ROBO1: variants seen among roughly 807,000 people sequenced by gnomAD.
ROBO1 encodes roundabout homolog 1.
In ROBO1, 149 loss-of-function variants were observed where a neutral mutation model predicts 195.9. The observed-to-expected ratio is 0.76, with a 90% CI of 0.67 to 0.87. The LOEUF (loss-of-function observed/expected upper bound fraction) is 0.87, where lower values mean the gene tolerates loss of function less well. Ranked by LOEUF, ROBO1 falls within the 40% of genes least tolerant of loss-of-function variation. ROBO1 has a pLI of 0.00. For missense variants in ROBO1, 1,933 were observed against 2,068.3 expected, an observed-to-expected ratio of 0.93 and a Z score of 1.27; for synonymous variants, 816 against 733.2, an observed-to-expected ratio of 1.11 and a Z score of -1.82.
At chr3:78,647,708 G>A in intron 19 of ROBO1, 53 bp from the exon 20 acceptor site, 1 of 1,413,460 alleles carries the variant, frequency 7.1e-7, no homozygotes, top group Admixed American at 1.7e-5. Flanking sequence ...GAGAGAAAGG[G>A]AACATATCAC....
chr3:79,159,001 A>C (rs1485185963), intron 2 of ROBO1, among the ~76,000 whole-genome samples: 1 of 151,980 alleles, frequency 6.6e-6, no homozygotes, highest in Non-Finnish European at 1.5e-5. Flanking sequence ...ATGCATGACT[A>C]AAGTGGAATT....
At chr3:79,354,680 T>G (rs2035474565) in intron 2 of ROBO1, among the ~76,000 whole-genome samples, 1 of 152,204 alleles carries the variant, frequency 6.6e-6, no homozygotes, top group African/African-American at 2.4e-5. Flanking sequence ...TATTTCCTCC[T>G]GCGTCTATTT....
intron 1 of ROBO1, among the ~76,000 whole-genome samples, chr3:79,630,976 G>A (rs1274475945): frequency 1.3e-5 from 2 of 151,748 alleles, no homozygotes; most frequent in East Asian, 3.9e-4. Flanking sequence ...ACATTGGGAT[G>A]ACAAAAAGAA....
At chr3:79,203,657 T>C (rs2081810104) in intron 2 of ROBO1, among the ~76,000 whole-genome samples, 1 of 152,222 alleles carries the variant, frequency 6.6e-6, no homozygotes, top group Non-Finnish European at 1.5e-5. Flanking sequence ...TTAACTCATA[T>C]ATAGAAGTGT....
intron 2 of ROBO1, among the ~76,000 whole-genome samples, chr3:79,455,826 G>T (rs1464567509): frequency 2.0e-5 from 3 of 152,080 alleles, no homozygotes; most frequent in African/African-American, 7.2e-5. Context: ...TTTGAGCATG[G>T]CACATACATA....
intron 1 of ROBO1, among the ~76,000 whole-genome samples, chr3:79,765,221 G>A (rs1451741153): frequency 6.6e-6 from 1 of 152,190 alleles, no homozygotes; most frequent in Non-Finnish European, 1.5e-5. Flanking sequence ...TGTGCGAAAA[G>A]GCTAAAGGAA....
At chr3:79,086,242 C>A (rs2079367504) in intron 3 of ROBO1, among the ~76,000 whole-genome samples, 1 of 151,266 alleles carries the variant, frequency 6.6e-6, no homozygotes, top group Non-Finnish European at 1.5e-5. Context: ...TGTGGGCAAC[C>A]AGATGGGGAG....
intron 3 of ROBO1, among the ~76,000 whole-genome samples, chr3:78,948,950 C>A (rs946673327): frequency 6.6e-6 from 1 of 151,536 alleles, no homozygotes; most frequent in Non-Finnish European, 1.5e-5. Flanking sequence ...ATCCAACTTA[C>A]AAGGGATGTG....
intron 3 of ROBO1, among the ~76,000 whole-genome samples, chr3:78,985,888 G>C (rs1351396027): frequency 6.6e-6 from 1 of 152,096 alleles, no homozygotes; most frequent in African/African-American, 2.4e-5. Context: ...TCAAATATCA[G>C]CTATACAGAG....
chr3:79,668,665 T>TACACAC (rs112377466), intron 1 of ROBO1, among the ~76,000 whole-genome samples: 2 of 151,008 alleles, frequency 1.3e-5, no homozygotes, highest in African/African-American at 4.9e-5. Context: ...CTAAGCAATT[T>TACACAC]ACACACACAC....
At chr3:79,261,398 CAT>C (rs2082935475) in intron 2 of ROBO1, among the ~76,000 whole-genome samples, 3 of 151,870 alleles carry the variant, frequency 2.0e-5, no homozygotes, top group South Asian at 4.1e-4. Context: ...GATTGACAAA[CAT>C]ATTGTGAAAT....
chr3:79,580,009 T>C (rs189927129), intron 2 of ROBO1, among the ~76,000 whole-genome samples: 24 of 152,128 alleles, frequency 1.6e-4, no homozygotes, highest in Non-Finnish European at 2.4e-4. Context: ...AGATAAAACA[T>C]TGAAATAAAG....
chr3:79,253,326 A>C (rs1047064957), intron 2 of ROBO1, among the ~76,000 whole-genome samples: 7 of 152,162 alleles, frequency 4.6e-5, no homozygotes, highest in African/African-American at 1.7e-4. Flanking sequence ...TTGGGTATTA[A>C]GAGAGACTCT....
intron 1 of ROBO1, among the ~76,000 whole-genome samples, chr3:79,647,800 T>C (rs559468683): frequency 4.6e-5 from 7 of 152,048 alleles, no homozygotes; most frequent in African/African-American, 1.4e-4. Context: ...TGTTATTGTG[T>C]TTAGTGTTAT....
chr3:78,959,679 T>C (rs113176297), intron 3 of ROBO1, among the ~76,000 whole-genome samples: 55 of 152,254 alleles, frequency 3.6e-4, no homozygotes, highest in African/African-American at 1.3e-3. Flanking sequence ...AGCTATACCA[T>C]AGATTTGCTA....
rs1168674196 is a variant in ROBO1, at chr3:78,597,741, G to GAA, written c.*1170_*1171dup. On this transcript the variant is annotated 3_prime_UTR_variant, in exon 31 of 31. Coordinates refer to ENST00000464233, the MANE Select transcript of ROBO1 (RefSeq NM_002941.4). Reference sequence around the variant, plus strand: ...AACCTCTTTTTTTCTTTAAGTCCAGGAAAAGTAAGAACCATTTGGTTCATG... The same window carrying GAA: ...AACCTCTTTTTTTCTTTAAGTCCAGGAAAAAAGTAAGAACCATTTGGTTCATG... 5 of 152,272 alleles carry GAA rather than the reference G, an allele frequency of 3.3e-5. No individual in the cohort carries two copies. Among genetic ancestry groups the GAA allele is most frequent in the Non-Finnish European group, 7.4e-5 (5 of 67,934 alleles). The allele number at this position is 152,272 out of a possible 1,614,324, so 9.4% of individuals were successfully genotyped here. A position where few individuals can be genotyped will look rare whatever the true frequency, so the allele number is the denominator to read the frequency against.
chr3:78,797,588 A>C (rs1282124754), intron 4 of ROBO1, among the ~76,000 whole-genome samples: 3 of 152,198 alleles, frequency 2.0e-5, no homozygotes, highest in Non-Finnish European at 2.9e-5. Context: ...AATTAATCAA[A>C]AATAATGAGA....
chr3:79,324,857 G>A (rs1205019216), intron 2 of ROBO1, among the ~76,000 whole-genome samples: 1 of 152,218 alleles, frequency 6.6e-6, no homozygotes, highest in East Asian at 1.9e-4. Flanking sequence ...GGAAAAGATA[G>A]TGTGTGGCAT....
At chr3:79,608,669 T>C (rs1254405040) in intron 1 of ROBO1, among the ~76,000 whole-genome samples, 1 of 151,950 alleles carries the variant, frequency 6.6e-6, no homozygotes, top group Non-Finnish European at 1.5e-5. Context: ...TATTTATTTA[T>C]TTTGGCATCA....
Sources: gnomAD v4.1 joint callset for allele counts (sites outside exome capture counted in the v4.1 genomes callset) on GRCh38, gnomAD v4.1.1 for gene constraint, MANE v1.5 for transcripts, NCBI Gene and HGNC (gene_info 2026-07-23, HGNC 2026-07-21) for gene names.